KDM4C: variants seen among roughly 807,000 people sequenced by gnomAD.
KDM4C encodes lysine demethylase 4C, also known as lysine-specific demethylase 4C.
Under a neutral mutation model 129.3 loss-of-function variants are expected in KDM4C, and 81 were observed. The observed-to-expected ratio is 0.63, with a 90% confidence interval of 0.52 to 0.75. KDM4C has a LOEUF of 0.75. Among genes scored for constraint, KDM4C ranks in the 30% least tolerant of loss-of-function variants. The pLI, the probability that KDM4C is intolerant of heterozygous loss-of-function variation, is 0.00. For synonymous variants in KDM4C, 573 were observed against 456.1 expected (o/e 1.26, Z -3.26); for missense variants, 1,457 against 1,304.0 (o/e 1.12, Z -1.81).
intron 17 of KDM4C, among the ~76,000 whole-genome samples, chr9:7,081,979 G>C (rs1158867377): frequency 6.6e-6 from 1 of 152,148 alleles, no homozygotes; most frequent in Non-Finnish European, 1.5e-5. Flanking sequence ...AGGTGTTTTG[G>C]TGGTCGATAT....
At position 6,987,744 on chromosome 9, in the gene KDM4C, A is replaced by G. The variant is rs373102572; in HGVS notation, c.1677+1078A>G. Reference sequence around the variant, plus strand: ...TGTTTATCTTTTTATGTAGAATTGTATATCTCATTGAATTATAAACACATC... The same window carrying G: ...TGTTTATCTTTTTATGTAGAATTGTGTATCTCATTGAATTATAAACACATC... On this transcript the variant is annotated intron_variant, in intron 11 of 21. Coordinates refer to ENST00000381309, the MANE Select transcript of KDM4C (RefSeq NM_015061.6). Among the ~76,000 whole-genome samples, 129 of 152,324 alleles carry G rather than the reference A, an allele frequency of 8.5e-4. 4 individuals are homozygous for G. The South Asian group carries it at 0.026, about 30-fold the overall frequency.
intron 5 of KDM4C, among the ~76,000 whole-genome samples, chr9:6,853,137 T>G (rs779100774): frequency 1.4e-4 from 22 of 152,020 alleles, no homozygotes; most frequent in Non-Finnish European, 2.6e-4. Context: ...TAGAAGAGTG[T>G]TAAATTATTT....
intron 1 of KDM4C, among the ~76,000 whole-genome samples, chr9:6,781,300 T>C (rs962919916): frequency 5.8e-4 from 88 of 152,322 alleles, no homozygotes; most frequent in Non-Finnish European, 1.9e-4. Context: ...ATGTTGCTCC[T>C]AGTGGAAGTA....
intron 19 of KDM4C, among the ~76,000 whole-genome samples, chr9:7,151,751 G>C (rs931907482): frequency 1.1e-4 from 17 of 152,314 alleles, no homozygotes; most frequent in Admixed American, 1.1e-3. Flanking sequence ...ATTAGTGTCA[G>C]TATAGAAGCA....
intron 1 of KDM4C, among the ~76,000 whole-genome samples, chr9:6,781,198 T>G (rs978855549): frequency 2.0e-5 from 3 of 152,138 alleles, no homozygotes; most frequent in African/African-American, 7.2e-5. Context: ...TGAATGGTCT[T>G]ATTACAAGGG....
intron 19 of KDM4C, among the ~76,000 whole-genome samples, chr9:7,152,636 A>G (rs10758838): frequency 0.64 from 97,470 of 152,110 alleles, 31,480 homozygotes; most frequent in East Asian, 0.8. Flanking sequence ...TGAAGTCACA[A>G]CACTTTGAAC....
intron 1 of KDM4C, among the ~76,000 whole-genome samples, chr9:6,777,955 C>G (rs1323613557): frequency 1.3e-5 from 2 of 149,986 alleles, no homozygotes; most frequent in Non-Finnish European, 3.0e-5. Context: ...CAGGATCTCA[C>G]TCTTTCCCAG....
At chr9:7,056,365 A>G (rs1352793151) in intron 17 of KDM4C, among the ~76,000 whole-genome samples, 1 of 149,794 alleles carries the variant, frequency 6.7e-6, no homozygotes, top group African/African-American at 2.5e-5. Flanking sequence ...AAAAAAAAGT[A>G]CATTAGTAGC....
Position 6,912,674 on chromosome 9 carries a change from A to G in KDM4C, c.921+19442A>G, listed in dbSNP as rs143825212. 2.7e-3 allele frequency among the ~76,000 whole-genome samples: 417 copies of G among 152,288 alleles called. 1 individual carries two copies. Among genetic ancestry groups the G allele is most frequent in the African/African-American group, 9.4e-3 (392 of 41,566 alleles). On this transcript the variant is annotated intron_variant, in intron 8 of 21. Coordinates refer to ENST00000381309, the MANE Select transcript of KDM4C (RefSeq NM_015061.6). ...AGCTTTAACTAATTTTGGTTTTGCT[A>G]TAGTCCAAAGGCATTTCTGCTTAGA...
At chr9:7,097,556 G>A (rs550106285) in intron 17 of KDM4C, among the ~76,000 whole-genome samples, 26 of 152,256 alleles carry the variant, frequency 1.7e-4, no homozygotes, top group African/African-American at 4.8e-4. Flanking sequence ...TTGGTGCCCC[G>A]CAGGTAGCTG....
Position 7,038,385 on chromosome 9 carries a change from T to C in KDM4C, c.2260-8477T>C, listed in dbSNP as rs143537309. 2.6e-3 allele frequency among the ~76,000 whole-genome samples: 391 copies of C among 152,228 alleles called. 4 individuals carry two copies. Among genetic ancestry groups the C allele is most frequent in the African/African-American group, 8.8e-3 (364 of 41,578 alleles). On this transcript the variant is annotated intron_variant, in intron 15 of 21. Transcript: ENST00000381309. ...TTCTATGTATTATAATCTGGTGTTA[T>C]GGCTTGCTGTATGGGACCCAAATGA... is the stretch of plus-strand genomic sequence containing the variant.
chr9:6,820,660 G>A (rs1832861438), intron 4 of KDM4C, among the ~76,000 whole-genome samples: 1 of 151,830 alleles, frequency 6.6e-6, no homozygotes, highest in Admixed American at 6.6e-5. Context: ...CTCGACAGAA[G>A]AGGGAGAGGG....
chr9:6,989,026 G>C (rs564576219), intron 11 of KDM4C, among the ~76,000 whole-genome samples: 3 of 152,312 alleles, frequency 2.0e-5, no homozygotes, highest in African/African-American at 7.2e-5. Context: ...GCAGAAACCT[G>C]ATGTAATTTT....
chr9:7,134,518 CAA>C (rs1391811808), intron 19 of KDM4C, among the ~76,000 whole-genome samples: 3 of 152,188 alleles, frequency 2.0e-5, no homozygotes, highest in Non-Finnish European at 2.9e-5. Flanking sequence ...ACATTTCTCA[CAA>C]ATGTCACAAT....
At chr9:6,730,654 G>C (rs1356983614) in intron 1 of KDM4C, among the ~76,000 whole-genome samples, 2 of 151,800 alleles carry the variant, frequency 1.3e-5, no homozygotes, top group Non-Finnish European at 2.9e-5. Context: ...ATTTAATTGA[G>C]CAATGAATGA....
intron 20 of KDM4C, among the ~76,000 whole-genome samples, chr9:7,167,376 C>T (rs576103255): frequency 6.6e-6 from 1 of 152,262 alleles, no homozygotes; most frequent in Admixed American, 6.5e-5. Context: ...ACAGCATACT[C>T]CCTTCTAGGT....
rs1588736079 is a variant in KDM4C at position 6,858,097 on chromosome 9, G to T, written c.629+8397G>T. Among the ~76,000 whole-genome samples, 3 of 152,080 alleles carry T rather than the reference G, an allele frequency of 2.0e-5. No individual in the cohort carries two copies. In the East Asian group the frequency reaches 5.8e-4, roughly 29 times the overall value. The stretch of plus-strand genomic sequence containing the variant: ...TGGCTTCCCAAAGTCCTGGATTACA[G>T]GTTTGAGCCACTATGCCTGGCAGTA... On this transcript the variant is annotated intron_variant, in intron 5 of 21. Transcript: ENST00000381309.
chr9:6,879,769 T>G (rs542404668), intron 5 of KDM4C, among the ~76,000 whole-genome samples: 8 of 152,174 alleles, frequency 5.3e-5, no homozygotes, highest in Non-Finnish European at 1.0e-4. Context: ...TTCCCTAATT[T>G]GTAAAATGTG....
intron 8 of KDM4C, among the ~76,000 whole-genome samples, chr9:6,972,596 T>C (rs1832185988): frequency 1.3e-5 from 2 of 152,184 alleles, no homozygotes; most frequent in Non-Finnish European, 2.9e-5. Flanking sequence ...AACATTCTGG[T>C]ATGTGTTGCC....
Sources: allele counts gnomAD v4.1 joint callset (sites outside exome capture counted in the v4.1 genomes callset), GRCh38; gene constraint gnomAD v4.1.1; transcripts MANE v1.5; gene names NCBI Gene and HGNC (gene_info 2026-07-23, HGNC 2026-07-21).